Variants in RELN observed in about 807,000 individuals in gnomAD.
RELN encodes reelin.
A neutral mutation model predicts 427.6 loss-of-function variants in RELN; 108 were observed. That is an observed-to-expected ratio of 0.25 (90% CI 0.22 to 0.30). RELN has a LOEUF of 0.30. RELN is among the 10% of genes least tolerant of loss of function. The pLI is 1.00. For synonymous variants in RELN, 1,524 were observed against 1,513.4 expected (o/e 1.01, Z -0.16); for missense variants, 3,715 against 4,302.8 (o/e 0.86, Z 3.82).
chr7:103,949,404 C>G (rs143280134), intron 1 of RELN, among the ~76,000 whole-genome samples: 3 of 151,844 alleles, frequency 2.0e-5, no homozygotes, highest in Non-Finnish European at 4.4e-5. Flanking sequence ...CAATCTTAAT[C>G]CCCAACATGA....
rs369211530 is a variant in RELN, at chr7:103,937,032, T to G, written c.227-19847A>C. ...TTAGCTCTTTTTCACCTGTGGTTTTTAAATATCTTTTTCATCTTTATTTTA... is the reference window on the plus strand; with the variant it reads ...TTAGCTCTTTTTCACCTGTGGTTTTGAAATATCTTTTTCATCTTTATTTTA... On this transcript the variant is annotated intron_variant, in intron 1 of 64. Transcript: ENST00000428762. Among the ~76,000 whole-genome samples, 9 of 152,344 alleles carry G rather than the reference T, an allele frequency of 5.9e-5. No homozygotes were observed. The East Asian group carries it at 1.3e-3, about 23-fold the overall frequency.
intron 1 of RELN, 63 bp from the exon 2 acceptor site, chr7:103,917,248 A>C (rs1231278137): frequency 4.0e-6 from 5 of 1,251,582 alleles, no homozygotes; most frequent in Non-Finnish European, 5.9e-6. Context: ...TATATTTCTG[A>C]AGTGTTAGAC....
chr7:103,479,332 T>A (rs1828147076), intron 63 of RELN, among the ~76,000 whole-genome samples: 1 of 152,188 alleles, frequency 6.6e-6, no homozygotes, highest in African/African-American at 2.4e-5. Flanking sequence ...AAATAAATAT[T>A]CTATGCTAGC....
At chr7:103,662,231 A>C (rs1477083121) in intron 11 of RELN, among the ~76,000 whole-genome samples, 1 of 152,254 alleles carries the variant, frequency 6.6e-6, no homozygotes, top group Admixed American at 6.5e-5. Flanking sequence ...GCAAAGGAAG[A>C]GGACAGTATT....
intron 2 of RELN, among the ~76,000 whole-genome samples, chr7:103,880,956 A>C (rs1471964647): frequency 6.6e-6 from 1 of 152,176 alleles, no homozygotes; most frequent in Non-Finnish European, 1.5e-5. Context: ...TTGGCTTCCA[A>C]GTGCTGGAGT....
intron 26 of RELN, 64 bp downstream of exon 26, chr7:103,594,257 A>G: frequency 1.4e-6 from 2 of 1,454,088 alleles, no homozygotes; most frequent in Non-Finnish European, 1.9e-6. Context: ...TAAGGAAATG[A>G]GTTCTTTATG....
At chr7:103,931,696 C>T (rs965881930) in intron 1 of RELN, among the ~76,000 whole-genome samples, 2 of 152,236 alleles carry the variant, frequency 1.3e-5, no homozygotes, top group African/African-American at 4.8e-5. Flanking sequence ...TCACCATCCA[C>T]ATCTGCCATC....
In RELN at chr7:103,640,295, G is replaced by A. The variant is rs1331648857; in HGVS notation, c.2069+248C>T. 1.3e-5 allele frequency among the ~76,000 whole-genome samples: 2 copies of A among 152,090 alleles called. No homozygotes were observed. Among genetic ancestry groups the A allele is most frequent in the African/African-American group, 2.4e-5 (1 of 41,400 alleles). On this transcript the variant is annotated intron_variant, in intron 17 of 64. Transcript: ENST00000428762. This position sits in a 1 kb window ranked among gnomAD's most constrained non-coding sequence, Gnocchi z 4.1. ...AGGAAAGGCAGCCATCAAGCTGTGA[G>A]GAATTCCAATTTGTTCACAAATTCA... is the stretch of plus-strand genomic sequence containing the variant.
chr7:103,655,411 G>T (rs1290439484), intron 12 of RELN, among the ~76,000 whole-genome samples: 1 of 151,974 alleles, frequency 6.6e-6, no homozygotes, highest in Non-Finnish European at 1.5e-5. Flanking sequence ...AATTGCTGTT[G>T]CTAATACTCT....
At chr7:103,898,905 T>C (rs532641582) in intron 2 of RELN, among the ~76,000 whole-genome samples, 7 of 152,188 alleles carry the variant, frequency 4.6e-5, no homozygotes, top group African/African-American at 1.7e-4. Context: ...AGAAGAAAAG[T>C]ATTAGATGTT....
intron 2 of RELN, among the ~76,000 whole-genome samples, chr7:103,910,259 T>C (rs1795334813): frequency 7.0e-6 from 1 of 142,636 alleles, no homozygotes; most frequent in Non-Finnish European, 1.5e-5. Context: ...TGTACATTGA[T>C]TTTGTATCCT....
At position 103,856,585 on chromosome 7, in the gene RELN, A is replaced by AAAAG. The variant is rs1554431482; in HGVS notation, c.338-22917_338-22914dup. 1.5e-3 allele frequency among the ~76,000 whole-genome samples: 200 copies of AAAAG among 133,212 alleles called. 1 individual carries two copies. Among genetic ancestry groups the AAAAG allele is most frequent in the Middle Eastern group, 8.0e-3 (2 of 250 alleles). 87.4% of individuals were successfully genotyped at this position (133,212 alleles called of 152,430 possible). A position where few individuals can be genotyped will look rare whatever the true frequency, so the allele number is the denominator to read the frequency against. ...ACTCCACCTCAAAAAAAAAAAAAAA[A>AAAAG]AAAGAAAGAAAGAAAGAAAAAAGCA... On this transcript the variant is annotated intron_variant, in intron 2 of 64. Transcript: ENST00000428762.
chr7:103,914,295 GT>G (rs1795434159), intron 2 of RELN, among the ~76,000 whole-genome samples: 1 of 151,860 alleles, frequency 6.6e-6, no homozygotes, highest in African/African-American at 2.4e-5. Context: ...TTTTCCTTAT[GT>G]AAAGGAACTG....
At chr7:103,983,863 C>CTCTGTGTGTGTG (rs1293300854) in intron 1 of RELN, among the ~76,000 whole-genome samples, 2 of 148,430 alleles carry the variant, frequency 1.3e-5, no homozygotes, top group African/African-American at 5.0e-5. Flanking sequence ...CTTCATATTT[C>CTCTGTGTGTGTG]TGTGTGTGTG....
At chr7:103,753,044 C>G in intron 5 of RELN, 138 bp downstream of exon 5, 1 of 859,410 alleles carries the variant, frequency 1.2e-6, no homozygotes, top group Non-Finnish European at 1.9e-6. Flanking sequence ...AATCCGTACC[C>G]AAGTCCAATT....
At chr7:103,881,920 G>A (rs920223881) in intron 2 of RELN, among the ~76,000 whole-genome samples, 25 of 152,168 alleles carry the variant, frequency 1.6e-4, no homozygotes, top group Non-Finnish European at 2.9e-5. Context: ...GCAGAATCAT[G>A]TTTCATTGAA....
intron 41 of RELN, among the ~76,000 whole-genome samples, chr7:103,546,390 C>T (rs1454414840): frequency 1.3e-5 from 2 of 152,150 alleles, no homozygotes; most frequent in Non-Finnish European, 2.9e-5. Flanking sequence ...GCTTTGTTTA[C>T]CCATTCATTA....
chr7:103,826,913 T>C (rs1445767038), intron 3 of RELN, among the ~76,000 whole-genome samples: 1 of 151,852 alleles, frequency 6.6e-6, no homozygotes, highest in East Asian at 1.9e-4. Context: ...GATACCAAGT[T>C]CAGTCCATTT....
At position 103,610,703 on chromosome 7, in the gene RELN, C is replaced by G; in HGVS notation, c.3000G>C (p.Gln1000His). Residue 1000 changes from glutamine (Q) to histidine (H), a missense_variant, in exon 22 of 65, where the codon CAG becomes CAC. Coordinates refer to ENST00000428762, the MANE Select transcript of RELN (RefSeq NM_005045.4). The part of the protein sequence containing the change: ...QWRRVIVLLP[Q>H]KTWSSATRFR... ...TAAAGATGTCATCTCACCAAGTTTTCTGGGGAAGAAGCACTATGACTCTCC... is the reference window on the plus strand; with the variant it reads ...TAAAGATGTCATCTCACCAAGTTTTGTGGGGAAGAAGCACTATGACTCTCC... The G allele has an allele frequency of 1.3e-6, 2 of 1,549,842 alleles. No homozygotes were observed. The highest frequency in any genetic ancestry group is 1.4e-5 in the African/African-American group (1 of 73,596).
Sources: gnomAD v4.1 joint callset for allele counts (sites outside exome capture counted in the v4.1 genomes callset) on GRCh38, gnomAD v4.1.1 for gene constraint, Gnocchi (gnomAD v3.1) non-coding constraint, MANE v1.5 for transcripts, NCBI Gene and HGNC (gene_info 2026-07-23, HGNC 2026-07-21) for gene names.